The following NF2 variants were observed in gnomAD, a reference collection of about 807,000 sequenced individuals.
NF2 encodes the protein NF2, moesin-ezrin-radixin like (MERLIN) tumor suppressor, also known as merlin.
Under a neutral mutation model 83.7 loss-of-function variants are expected in NF2, and 8 were observed. That is an observed-to-expected ratio of 0.10 (90% confidence interval 0.06 to 0.17). The LOEUF (loss-of-function observed/expected upper bound fraction) is 0.17. Among genes scored for constraint, NF2 ranks in the 10% least tolerant of loss-of-function variants. The pLI is 1.00. For synonymous variants in NF2, 266 were observed against 269.6 expected (o/e 0.99, Z 0.13); for missense variants, 533 against 744.4 (o/e 0.72, Z 3.31).
At chr22:29,617,547 C>T (rs1413068097) in intron 1 of NF2, among the ~76,000 whole-genome samples, 2 of 152,134 alleles carry the variant, frequency 1.3e-5, no homozygotes, top group Non-Finnish European at 2.9e-5. Context: ...GTAGGGAGGA[C>T]ACCCTCCAAT....
chr22:29,628,982 G>T (rs2146809808), intron 1 of NF2, among the ~76,000 whole-genome samples: 2 of 152,166 alleles, frequency 1.3e-5, no homozygotes, highest in East Asian at 3.9e-4. Context: ...TGGGGTTCAG[G>T]ATTGGTACAG....
chr22:29,664,901 C>A, intron 8 of NF2, 89 bp from the exon 9 acceptor site: 4 of 896,946 alleles, frequency 4.5e-6, no homozygotes, highest in Non-Finnish European at 7.3e-6. Context: ...TGGTCTGTGG[C>A]CAGTGTGGTT....
At chr22:29,635,301 G>A (rs1189500515) in intron 1 of NF2, among the ~76,000 whole-genome samples, 1 of 152,062 alleles carries the variant, frequency 6.6e-6, no homozygotes, top group African/African-American at 2.4e-5. Flanking sequence ...TCCCTTCTTG[G>A]TTTTATAGCA....
In NF2 at chr22:29,696,172, C is replaced by G. The variant is rs969005449; in HGVS notation, c.*1370C>G. On this transcript the variant is annotated 3_prime_UTR_variant, in exon 16 of 16. Transcript: ENST00000338641. ...CACTGCAACCTCCACCTCCTGAGTT[C>G]AAGCAATTCTCCTGCCTCAGCCTCC... 1 of 211,054 alleles carries G rather than the reference C, an allele frequency of 4.7e-6. No individual in the cohort carries two copies. The allele number at this position is 211,054 out of a possible 1,614,324, so 13.1% of individuals were successfully genotyped here. A position where few individuals can be genotyped will look rare whatever the true frequency, so the allele number is the denominator to read the frequency against.
chr22:29,658,972 A>G (rs2146995688), intron 7 of NF2, among the ~76,000 whole-genome samples: 2 of 152,288 alleles, frequency 1.3e-5, no homozygotes, highest in East Asian at 3.9e-4. Flanking sequence ...TTTCATAGTC[A>G]TGCTTTGCTT....
chr22:29,647,571 A>T (rs1021306166), intron 4 of NF2, among the ~76,000 whole-genome samples: 4 of 152,200 alleles, frequency 2.6e-5, no homozygotes, highest in African/African-American at 9.7e-5. Context: ...TATTAGGTTC[A>T]CACTTCAGGT....
At chr22:29,683,353 G>A (rs1197629300) in intron 15 of NF2, 29 of 1,384,562 alleles carry the variant, frequency 2.1e-5, no homozygotes, top group Middle Eastern at 2.8e-4. Context: ...GCTGGGGAAG[G>A]TTATGGCTTC....
chr22:29,658,037 C>T (rs1007027963), intron 6 of NF2, 152 bp from the exon 7 acceptor site: 3 of 711,692 alleles, frequency 4.2e-6, no homozygotes, highest in Non-Finnish European at 7.6e-6. Flanking sequence ...CAGGGCCGGG[C>T]AGAGCTTTGC....
chr22:29,640,544 G>A (rs2065778670), intron 3 of NF2, among the ~76,000 whole-genome samples: 1 of 152,106 alleles, frequency 6.6e-6, no homozygotes, highest in African/African-American at 2.4e-5. Context: ...CAGTTTCATG[G>A]CCAGTTGCAG....
At position 29,605,080 on chromosome 22, in the gene NF2, G is replaced by T. The variant is rs541740884; in HGVS notation, c.114+968G>T. 3.9e-5 allele frequency among the ~76,000 whole-genome samples: 6 copies of T among 152,036 alleles called. No individual in the cohort carries two copies. The South Asian group carries it at 6.2e-4, about 16-fold the overall frequency. ...ACTGCAACCCTGACCAACCTCCCTG[G>T]CTCAATCAGTCCTCCTGCCTCAGCC... is the stretch of plus-strand genomic sequence containing the variant. On this transcript the variant is annotated intron_variant, in intron 1 of 15. Coordinates refer to ENST00000338641, the MANE Select transcript of NF2 (RefSeq NM_000268.4).
intron 9 of NF2, among the ~76,000 whole-genome samples, chr22:29,665,687 G>A (rs887025957): frequency 3.3e-5 from 5 of 151,824 alleles, no homozygotes; most frequent in Non-Finnish European, 7.4e-5. Flanking sequence ...AGTCCTGGCC[G>A]GGTGCGGTGG....
At chr22:29,621,352 T>G (rs2065213004) in intron 1 of NF2, among the ~76,000 whole-genome samples, 1 of 152,240 alleles carries the variant, frequency 6.6e-6, no homozygotes, top group African/African-American at 2.4e-5. Flanking sequence ...TGAATGTAAT[T>G]AATTCTTCCT....
At chr22:29,650,542 TTC>T (rs1225609829) in intron 4 of NF2, among the ~76,000 whole-genome samples, 1 of 151,668 alleles carries the variant, frequency 6.6e-6, no homozygotes, top group African/African-American at 2.4e-5. Flanking sequence ...TTCTTTCTCT[TTC>T]TCTTTCTTTC....
chr22:29,673,579 C>G (rs1236280429), intron 12 of NF2, 93 bp downstream of exon 12: 1 of 1,374,520 alleles, frequency 7.3e-7, no homozygotes, highest in African/African-American at 1.4e-5. Flanking sequence ...CAGTTGTCCT[C>G]AAGCTGCTTG....
chr22:29,677,959 C>T (rs866822792), intron 13 of NF2, among the ~76,000 whole-genome samples: 5 of 139,880 alleles, frequency 3.6e-5, no homozygotes, highest in East Asian at 2.1e-4. Context: ...GCATGAAGAA[C>T]GGTTAGAGAT....
intron 7 of NF2, among the ~76,000 whole-genome samples, chr22:29,660,579 T>G (rs1285289029): frequency 6.6e-6 from 1 of 152,184 alleles, no homozygotes; most frequent in African/African-American, 2.4e-5. Context: ...GTTTTTTTTG[T>G]TTTGTTTTTT....
chr22:29,646,107 A>G (rs2065975424), intron 4 of NF2, among the ~76,000 whole-genome samples: 1 of 152,178 alleles, frequency 6.6e-6, no homozygotes, highest in African/African-American at 2.4e-5. Flanking sequence ...AATACAAATG[A>G]ATATTTTGTG....
rs768827706 is a variant in NF2 at position 29,661,391 on chromosome 22, C to T, written c.810+52C>T. On this transcript the variant is annotated intron_variant, in intron 8 of 15. Transcript: ENST00000338641. ...GTCCAGCAGATCTTTCCCTGTCTGC[C>T]CCCCTCACTGGAGCCTCCCCAGCCA... 3 of 1,608,406 alleles carry T rather than the reference C, an allele frequency of 1.9e-6. No homozygotes were observed. The African/African-American group carries it at 4.0e-5, about 21-fold the overall frequency.
At chr22:29,639,035 G>A (rs2146868494) in intron 2 of NF2, 55 bp from the exon 3 acceptor site, 1 of 1,613,464 alleles carries the variant, frequency 6.2e-7, no homozygotes, top group African/African-American at 1.3e-5. Flanking sequence ...TTTGAGGGTA[G>A]CACAGGAGGA....
Sources: allele counts gnomAD v4.1 joint callset (sites outside exome capture counted in the v4.1 genomes callset), GRCh38; gene constraint gnomAD v4.1.1; transcripts MANE v1.5; gene names NCBI Gene and HGNC (gene_info 2026-07-23, HGNC 2026-07-21).